The following NELL1 variants were observed in gnomAD, a reference collection of about 807,000 sequenced individuals.
NELL1 encodes the protein protein kinase C-binding protein NELL1.
NELL1 carries 76 observed loss-of-function variants against 107.4 expected under a neutral mutation model. The ratio of observed to expected loss-of-function variants is 0.71; its 90% CI spans 0.59 to 0.86. The LOEUF (loss-of-function observed/expected upper bound fraction) is 0.86, where lower values mean the gene tolerates loss of function less well. NELL1 is among the 40% of genes least tolerant of loss of function. The pLI is 0.00. For missense variants in NELL1, 1,024 were observed against 1,005.5 expected (o/e 1.02, Z -0.25); for synonymous variants, 353 against 341.2 (o/e 1.03, Z -0.38).
chr11:21,461,692 A>C (rs1853904463), intron 15 of NELL1, among the ~76,000 whole-genome samples: 1 of 152,136 alleles, frequency 6.6e-6, no homozygotes, highest in African/African-American at 2.4e-5. Flanking sequence ...AAGGAAATGA[A>C]GGCACAGAGA....
intron 14 of NELL1, among the ~76,000 whole-genome samples, chr11:21,323,556 G>T (rs776648065): frequency 5.9e-5 from 9 of 151,966 alleles, no homozygotes; most frequent in African/African-American, 2.2e-4. Context: ...TTTAACCAGG[G>T]TTATTTACTT....
chr11:20,948,074 G>A (rs543530964), intron 11 of NELL1, among the ~76,000 whole-genome samples: 71 of 151,704 alleles, frequency 4.7e-4, no homozygotes, highest in African/African-American at 1.5e-3. Flanking sequence ...TTAGAGTCTC[G>A]CTCTGTCACT....
In NELL1 at chr11:20,885,479, A is replaced by G. The variant is rs1432765374; in HGVS notation, c.542A>G (p.Asn181Ser). 9.9e-6 allele frequency: 16 copies of G among 1,613,400 alleles called. No individual in the cohort carries two copies. Among genetic ancestry groups the G allele is most frequent in the East Asian group, 2.2e-5 (1 of 44,884 alleles). Residue 181 changes from asparagine (N) to serine (S), a missense_variant, in exon 5 of 20, where the codon AAC becomes AGC. By Grantham distance (46) the Asn-to-Ser change is conservative. Coordinates refer to ENST00000357134, the MANE Select transcript of NELL1 (RefSeq NM_006157.5). ...CGTGTGATAGACCCTCCAGATACCA[A>G]CCTTCCCCCAGGAATCAATTTATGG... is the stretch of plus-strand genomic sequence containing the variant. ...YERVIDPPDT[N>S]LPPGINLWLG...
At chr11:20,855,487 C>A (rs1413983793) in intron 4 of NELL1, among the ~76,000 whole-genome samples, 1 of 152,168 alleles carries the variant, frequency 6.6e-6, no homozygotes, top group Non-Finnish European at 1.5e-5. Flanking sequence ...AATAAGACTT[C>A]ATTTCCAACT....
chr11:21,462,568 A>C (rs1044650268), intron 15 of NELL1, among the ~76,000 whole-genome samples: 10 of 152,082 alleles, frequency 6.6e-5, no homozygotes, highest in African/African-American at 2.4e-4. Flanking sequence ...TGTATTATCT[A>C]GAGAGGATAT....
intron 17 of NELL1, among the ~76,000 whole-genome samples, chr11:21,567,825 T>C (rs1857006728): frequency 6.6e-6 from 1 of 151,792 alleles, no homozygotes; most frequent in African/African-American, 2.4e-5. Context: ...CAAAGCATTG[T>C]GACAGGAAGA....
chr11:21,558,406 A>T (rs868498302), intron 16 of NELL1, among the ~76,000 whole-genome samples: 1 of 151,792 alleles, frequency 6.6e-6, no homozygotes, highest in Non-Finnish European at 1.5e-5. Context: ...CATAATATAT[A>T]TATATATATT....
At chr11:20,673,842 A>ATT (rs57671375) in intron 1 of NELL1, among the ~76,000 whole-genome samples, 38,378 of 148,972 alleles carry the variant, frequency 0.26, 5,417 homozygotes, top group East Asian at 0.57. Context: ...GAAACAATAC[A>ATT]TTTTTTTTTT....
At chr11:21,320,136 G>A (rs1849977566) in intron 14 of NELL1, among the ~76,000 whole-genome samples, 1 of 152,066 alleles carries the variant, frequency 6.6e-6, no homozygotes, top group Non-Finnish European at 1.5e-5. Context: ...CAGTGGGATG[G>A]TTCATCCCTT....
rs1309300543 is a variant in NELL1, at chr11:21,441,330, C to CTTGTGTGTGT, written c.1645+70382_1645+70383insTTGTGTGTGT. Among the ~76,000 whole-genome samples, 25 of 140,244 alleles carry CTTGTGTGTGT rather than the reference C, an allele frequency of 1.8e-4. 1 individual carries two copies. The highest frequency in any genetic ancestry group is 3.6e-3 in the Middle Eastern group (1 of 276). 92.0% of individuals were successfully genotyped at this position (140,244 alleles called of 152,430 possible). On this transcript the variant is annotated intron_variant, in intron 15 of 19. Transcript: ENST00000357134. Reference sequence around the variant, plus strand: ...TATATTCTTTACTCTGAGGCTGTGACGTGTGTGTGTGTGTGTGTGTGTGTG... The same window carrying CTTGTGTGTGT: ...TATATTCTTTACTCTGAGGCTGTGACTTGTGTGTGTGTGTGTGTGTGTGTGTGTGTGTGTG...
At chr11:21,254,184 C>T (rs559991190) in intron 14 of NELL1, among the ~76,000 whole-genome samples, 3 of 152,110 alleles carry the variant, frequency 2.0e-5, no homozygotes, top group South Asian at 2.1e-4. Flanking sequence ...CTGATCTACA[C>T]CAAGAATTTC....
At chr11:21,043,566 A>T (rs1009588712) in intron 12 of NELL1, among the ~76,000 whole-genome samples, 1 of 152,130 alleles carries the variant, frequency 6.6e-6, no homozygotes, top group Non-Finnish European at 1.5e-5. Flanking sequence ...GTTTACTAGT[A>T]AAGGATTCTA....
At chr11:21,309,511 G>A (rs74672674) in intron 14 of NELL1, among the ~76,000 whole-genome samples, 2,493 of 151,516 alleles carry the variant, frequency 0.016, 72 homozygotes, top group African/African-American at 0.057. Flanking sequence ...TTTAGAAATT[G>A]TAAGTTATTT....
chr11:21,016,542 C>G (rs994082086), intron 12 of NELL1, among the ~76,000 whole-genome samples: 4 of 152,052 alleles, frequency 2.6e-5, no homozygotes, highest in Admixed American at 6.6e-5. Context: ...ACAAATCATG[C>G]CCAGTCACCT....
chr11:21,384,347 T>A (rs1260820043), intron 15 of NELL1, among the ~76,000 whole-genome samples: 1 of 151,992 alleles, frequency 6.6e-6, no homozygotes, highest in Non-Finnish European at 1.5e-5. Context: ...CACCTGCCTA[T>A]TAAATTTGTT....
intron 15 of NELL1, among the ~76,000 whole-genome samples, chr11:21,391,456 A>C (rs1445630866): frequency 6.7e-6 from 1 of 150,284 alleles, no homozygotes; most frequent in Non-Finnish European, 1.5e-5. Context: ...TATTTTTGGA[A>C]CTCTTATTAT....
intron 13 of NELL1, among the ~76,000 whole-genome samples, chr11:21,225,195 C>A (rs978671822): frequency 2.0e-5 from 3 of 152,156 alleles, no homozygotes; most frequent in African/African-American, 7.2e-5. Flanking sequence ...TGAATGGATA[C>A]ATTCTGGTGG....
chr11:20,673,115 G>A (rs1383371517), intron 1 of NELL1, among the ~76,000 whole-genome samples: 3 of 151,922 alleles, frequency 2.0e-5, no homozygotes, highest in Non-Finnish European at 4.4e-5. Flanking sequence ...GCCCGCCTCG[G>A]CTTCCCAAAG....
Position 21,010,795 on chromosome 11 carries a change from C to A in NELL1, c.1300+50235C>A, listed in dbSNP as rs541440398. On this transcript the variant is annotated intron_variant, in intron 12 of 19. Coordinates refer to ENST00000357134, the MANE Select transcript of NELL1 (RefSeq NM_006157.5). ...CAGGCAAAAATACTCCCTTTCCCTG[C>A]CCCAGATAATTAGAAAACAGCAAAC... 3.3e-5 allele frequency among the ~76,000 whole-genome samples: 5 copies of A among 152,126 alleles called. No individual in the cohort carries two copies. The South Asian group carries it at 8.3e-4, about 25-fold the overall frequency.
Sources: gnomAD v4.1 joint callset for allele counts (sites outside exome capture counted in the v4.1 genomes callset) on GRCh38, gnomAD v4.1.1 for gene constraint, MANE v1.5 for transcripts, NCBI Gene and HGNC (gene_info 2026-07-23, HGNC 2026-07-21) for gene names.